Variants in ANK1 observed in about 807,000 individuals in gnomAD.
The protein encoded by ANK1 is ankyrin-1.
A neutral mutation model predicts 210.4 loss-of-function variants in ANK1; 51 were observed. The ratio of observed to expected loss-of-function variants is 0.24; its 90% CI spans 0.19 to 0.31. ANK1 has a LOEUF of 0.31. ANK1 is among the 10% of genes least tolerant of loss of function. The pLI, the probability that ANK1 is intolerant of heterozygous loss-of-function variation, is 1.00. For missense variants in ANK1, 2,051 were observed against 2,504.4 expected (o/e 0.82, Z 3.86); for synonymous variants, 967 against 1,025.9 (o/e 0.94, Z 1.10).
At chr8:41,688,060 A>C in intron 35 of ANK1, 96 bp downstream of exon 35, 1 of 1,399,160 alleles carries the variant, frequency 7.1e-7, no homozygotes, top group East Asian at 2.3e-5. Context: ...CGGGTGATAA[A>C]AGGAGGGTTA....
intron 1 of ANK1, among the ~76,000 whole-genome samples, chr8:41,785,659 C>A (rs978424078): frequency 2.0e-5 from 3 of 152,210 alleles, no homozygotes; most frequent in Non-Finnish European, 4.4e-5. Flanking sequence ...ACCACTGCTG[C>A]CCCTGCTCGC....
intron 1 of ANK1, among the ~76,000 whole-genome samples, chr8:41,896,160 C>T (rs1312096730): frequency 6.6e-6 from 1 of 152,202 alleles, no homozygotes; most frequent in Non-Finnish European, 1.5e-5. Flanking sequence ...TCCAGCCTGC[C>T]GCCCTGTCCC....
At chr8:41,800,321 C>G (rs1849663161), upstream of ANK1, among the ~76,000 whole-genome samples, 1 of 152,174 alleles carries the variant, frequency 6.6e-6, no homozygotes, top group East Asian at 1.9e-4. Flanking sequence ...CTCGTCAGAT[C>G]CAGTCATTGT....
Position 41,761,813 on chromosome 8 carries a change from G to A in ANK1, c.28-3676C>T, listed in dbSNP as rs1391045364. 2.0e-5 allele frequency among the ~76,000 whole-genome samples: 3 copies of A among 152,138 alleles called. No individual in the cohort carries two copies. The East Asian group carries it at 5.8e-4, about 29-fold the overall frequency. On this transcript the variant is annotated intron_variant, in intron 1 of 42. Transcript: ENST00000289734. Reference sequence around the variant, plus strand: ...GAGTCCCTAGGGCATCAGCAGTAGGGTTCTCCAGCCTTCCAGACAGGGGGT... The same window carrying A: ...GAGTCCCTAGGGCATCAGCAGTAGGATTCTCCAGCCTTCCAGACAGGGGGT...
chr8:41,724,081 C>A (rs117622194), intron 7 of ANK1, among the ~76,000 whole-genome samples: 5,906 of 152,214 alleles, frequency 0.039, 162 homozygotes, highest in Non-Finnish European at 0.059. Context: ...AGCCACCGCG[C>A]CCGGCCTAAG....
intron 22 of ANK1, among the ~76,000 whole-genome samples, chr8:41,701,190 A>T (rs530916239): frequency 6.6e-6 from 1 of 152,350 alleles, no homozygotes; most frequent in South Asian, 2.1e-4. Context: ...TATTCGTTCA[A>T]AGCACAAAGA....
At chr8:41,706,492 T>C (rs749063293) in intron 17 of ANK1, among the ~76,000 whole-genome samples, 2 of 152,364 alleles carry the variant, frequency 1.3e-5, no homozygotes, top group Non-Finnish European at 2.9e-5. Flanking sequence ...TGTCTCTATA[T>C]GACTAACATT....
intron 2 of ANK1, among the ~76,000 whole-genome samples, chr8:41,742,251 T>A (rs938852268): frequency 2.0e-5 from 3 of 152,202 alleles, no homozygotes; most frequent in Non-Finnish European, 2.9e-5. Flanking sequence ...TTGCACTAAT[T>A]GATTTCCAAA....
chr8:41,719,568 G>T, intron 10 of ANK1, 93 bp downstream of exon 10: 1 of 1,545,128 alleles, frequency 6.5e-7, no homozygotes. Context: ...CCGGGCACCT[G>T]CCGCCCTTCC....
At chr8:41,688,280 G>C in intron 34 of ANK1, 50 bp from the exon 35 acceptor site, 1 of 1,593,080 alleles carries the variant, frequency 6.3e-7, no homozygotes, top group South Asian at 1.1e-5. Context: ...GGACACAGTT[G>C]ACAGGCCTGA....
chr8:41,880,179 G>A (rs1334106111), intron 1 of ANK1, among the ~76,000 whole-genome samples: 3 of 152,194 alleles, frequency 2.0e-5, no homozygotes, highest in Admixed American at 1.3e-4. Context: ...AAATTTCAGT[G>A]TCCATAAATA....
chr8:41,746,167 C>T (rs566351520), intron 2 of ANK1, among the ~76,000 whole-genome samples: 4 of 152,194 alleles, frequency 2.6e-5, no homozygotes, highest in South Asian at 2.1e-4. Flanking sequence ...TCTCGTTCTG[C>T]GGGGCCATAC....
intron 1 of ANK1, among the ~76,000 whole-genome samples, chr8:41,876,194 G>T (rs910100268): frequency 6.6e-6 from 1 of 152,128 alleles, no homozygotes; most frequent in Non-Finnish European, 1.5e-5. Flanking sequence ...GCGCGGGGAC[G>T]GCCCTGTCTG....
At chr8:41,782,494 A>G (rs927635690) in intron 1 of ANK1, among the ~76,000 whole-genome samples, 3 of 152,032 alleles carry the variant, frequency 2.0e-5, no homozygotes, top group African/African-American at 7.3e-5. Context: ...ATAAGATCTT[A>G]TTTCCCAGAG....
chr8:41,844,688 G>T (rs890215756), intron 1 of ANK1, among the ~76,000 whole-genome samples: 1 of 152,216 alleles, frequency 6.6e-6, no homozygotes, highest in Non-Finnish European at 1.5e-5. Context: ...AAGAGACGTG[G>T]TAATGAACAA....
At chr8:41,771,542 T>C (rs150891406) in intron 1 of ANK1, among the ~76,000 whole-genome samples, 20 of 152,316 alleles carry the variant, frequency 1.3e-4, no homozygotes, top group South Asian at 4.1e-4. Flanking sequence ...CAGAAAGGAA[T>C]TGATGGGCTG....
intron 1 of ANK1, among the ~76,000 whole-genome samples, 178 bp from the exon 2 acceptor site, chr8:41,758,315 C>T (rs948784796): frequency 2.6e-4 from 40 of 152,290 alleles, no homozygotes; most frequent in African/African-American, 9.6e-4. Context: ...GCCTTCACAC[C>T]CAGGCCTCCC....
At chr8:41,885,284 A>ACATCTGGG (rs1478900594) in intron 1 of ANK1, among the ~76,000 whole-genome samples, 1 of 152,164 alleles carries the variant, frequency 6.6e-6, no homozygotes. Context: ...GGCAGTATTG[A>ACATCTGGG]CATCTGGGTT....
exon 1 of ANK1, chr8:41,896,615 G>A: frequency 2.5e-6 from 3 of 1,224,244 alleles, no homozygotes; most frequent in Non-Finnish European, 3.1e-6. Context: ...CCGAGGGCCG[G>A]CTGCTGCGGG....
Sources: gnomAD v4.1 joint callset for allele counts (sites outside exome capture counted in the v4.1 genomes callset) on GRCh38, gnomAD v4.1.1 for gene constraint, MANE v1.5 for transcripts, NCBI Gene and HGNC (gene_info 2026-07-23, HGNC 2026-07-21) for gene names.